Variants in ADGRD1 observed in about 807,000 individuals in gnomAD.
ADGRD1 encodes the protein G-protein coupled receptor 133.
A neutral mutation model predicts 113.4 loss-of-function variants in ADGRD1; 77 were observed. The observed-to-expected ratio is 0.68, with a 90% CI of 0.57 to 0.82. The LOEUF (loss-of-function observed/expected upper bound fraction) is 0.82, where lower values mean the gene tolerates loss of function less well. Among genes scored for constraint, ADGRD1 ranks in the 40% least tolerant of loss-of-function variants. ADGRD1 has a pLI of 0.00. For synonymous variants in ADGRD1, 474 were observed against 475.0 expected, an observed-to-expected ratio of 1.00 and a Z score of 0.03; for missense variants, 1,036 against 1,139.1, an observed-to-expected ratio of 0.91 and a Z score of 1.30.
intron 2 of ADGRD1, among the ~76,000 whole-genome samples, chr12:130,963,259 G>T (rs1244622528): frequency 7.3e-6 from 1 of 136,204 alleles, no homozygotes; most frequent in Non-Finnish European, 1.5e-5. Context: ...GGCGGAGCTT[G>T]CAGTGAGCCG....
intron 11 of ADGRD1, among the ~76,000 whole-genome samples, chr12:131,005,251 G>A (rs1013060432): frequency 2.6e-5 from 4 of 152,218 alleles, no homozygotes; most frequent in African/African-American, 7.2e-5. Context: ...CCAAGGGAAG[G>A]GCCCAGGGAC....
chr12:130,998,910 G>A (rs559266611), intron 8 of ADGRD1, among the ~76,000 whole-genome samples: 1 of 152,334 alleles, frequency 6.6e-6, no homozygotes, highest in Non-Finnish European at 1.5e-5. Flanking sequence ...TGTGCTGTGA[G>A]TGTAAGATGC....
rs1470953033 is a variant in ADGRD1 at position 131,096,663 on chromosome 12, C to G, written c.1672-8168C>G. ...CCGCCTCCATCTGTGAGGATGGGTT[C>G]CCGTGGGGCACTGCCGGTCCAGTTT... On this transcript the variant is annotated intron_variant, in intron 15 of 24. Transcript: ENST00000261654. This position sits in a 1 kb window ranked among gnomAD's most constrained non-coding sequence, Gnocchi z 5.2. Among the ~76,000 whole-genome samples the G allele has an allele frequency of 1.3e-5, 2 of 151,858 alleles. No individual in the cohort carries two copies. The highest frequency in any genetic ancestry group is 4.8e-5 in the African/African-American group (2 of 41,330).
At chr12:130,975,712 C>T (rs950340433) in intron 4 of ADGRD1, among the ~76,000 whole-genome samples, 15 of 152,218 alleles carry the variant, frequency 9.9e-5, no homozygotes, top group East Asian at 5.8e-4. Flanking sequence ...ATTGCTGTGT[C>T]GGTTAAGATG....
intron 4 of ADGRD1, chr12:130,973,078 T>G (rs1363500419): frequency 6.6e-6 from 1 of 152,144 alleles, no homozygotes; most frequent in African/African-American, 2.4e-5. Context: ...TTTCCACAGA[T>G]TTCCAGTTTT....
chr12:131,089,901 T>G (rs553957662), intron 15 of ADGRD1, among the ~76,000 whole-genome samples: 2 of 152,366 alleles, frequency 1.3e-5, no homozygotes, highest in East Asian at 1.9e-4. Context: ...GAGCAGAGCC[T>G]CCTCCTCTGG....
chr12:130,974,793 TCCCTGCTGTGG>T (rs6144932), intron 4 of ADGRD1, among the ~76,000 whole-genome samples: 129,206 of 151,684 alleles, frequency 0.85, 57,092 homozygotes, highest in Non-Finnish European at 0.96. Flanking sequence ...AAGGCAGAGG[TCCCTGCTGTGG>T]CCCTGCTCCG....
chr12:131,028,729 G>A (rs190512542), intron 13 of ADGRD1, among the ~76,000 whole-genome samples: 136 of 152,282 alleles, frequency 8.9e-4, no homozygotes, highest in African/African-American at 3.2e-3. Flanking sequence ...CGCCTTTGCC[G>A]TCAGTCACGG....
chr12:130,963,573 T>C (rs1280746331), intron 2 of ADGRD1, among the ~76,000 whole-genome samples: 1 of 152,142 alleles, frequency 6.6e-6, no homozygotes, highest in Non-Finnish European at 1.5e-5. Flanking sequence ...TTTTTAAAAA[T>C]TAGACAATAT....
In ADGRD1 at chr12:130,991,066, A is replaced by G. The variant is rs145801612; in HGVS notation, c.798A>G (p.Thr266=). 4.3e-6 allele frequency: 7 copies of G among 1,613,916 alleles called. No individual in the cohort carries two copies. Among genetic ancestry groups the G allele is most frequent in the Non-Finnish European group, 5.1e-6 (6 of 1,179,782 alleles). The change falls in exon 7 of 25, where the codon ACA becomes ACG. Residue 266 remains threonine, a synonymous_variant. Coordinates refer to ENST00000261654, the MANE Select transcript of ADGRD1 (RefSeq NM_198827.5). ...TGCCAAGCCTCTTCATGACATCCACAGCAAGCCCCGTGGTGAGCAGACACA... is the reference window on the plus strand; with the variant it reads ...TGCCAAGCCTCTTCATGACATCCACGGCAAGCCCCGTGGTGAGCAGACACA... ...STLPSLFMTS[T]ASPVMPTDAY...
chr12:131,003,062 G>A lies in ADGRD1; in HGVS notation c.1027-123G>A, dbSNP rs1876591351. 1 of 811,460 alleles carries A rather than the reference G, an allele frequency of 1.2e-6. No homozygotes were observed. The highest frequency in any genetic ancestry group is 2.1e-6 in the Non-Finnish European group (1 of 472,760). 50.3% of individuals were successfully genotyped at this position (811,460 alleles called of 1,614,324 possible). A position where few individuals can be genotyped will look rare whatever the true frequency, so the allele number is the denominator to read the frequency against. Reference sequence around the variant, plus strand: ...CTGATCCATGGGAAGGGGCAGTTGTGTGACTTCTTCCTCCCTCGTGGCCAA... The same window carrying A: ...CTGATCCATGGGAAGGGGCAGTTGTATGACTTCTTCCTCCCTCGTGGCCAA... On this transcript the variant is annotated intron_variant, in intron 9 of 24. Transcript: ENST00000261654. The surrounding 1 kb of genome is among the most constrained non-coding windows in gnomAD (Gnocchi z 4.8).
intron 9 of ADGRD1, chr12:131,002,594 A>G: frequency 9.5e-7 from 1 of 1,056,952 alleles, no homozygotes; most frequent in Non-Finnish European, 1.2e-6. Context: ...GTGTCTGAGG[A>G]TGAGGGCCCC....
intron 13 of ADGRD1, among the ~76,000 whole-genome samples, chr12:131,020,436 A>G (rs1879197452): frequency 6.6e-6 from 1 of 152,230 alleles, no homozygotes; most frequent in African/African-American, 2.4e-5. Flanking sequence ...TGCATGCCTA[A>G]TAGCACCCCA....
chr12:131,045,677 T>G (rs1882625183), intron 13 of ADGRD1, among the ~76,000 whole-genome samples: 1 of 152,164 alleles, frequency 6.6e-6, no homozygotes, highest in Non-Finnish European at 1.5e-5. Flanking sequence ...GAAGTCACCA[T>G]GCTGCCCAAA....
At chr12:131,031,594 T>C (rs576185632) in intron 13 of ADGRD1, among the ~76,000 whole-genome samples, 1 of 151,996 alleles carries the variant, frequency 6.6e-6, no homozygotes, top group South Asian at 2.1e-4. Context: ...TCAGGCCTGG[T>C]CTTAAACCAG....
intron 3 of ADGRD1, chr12:130,969,388 T>G (rs1309007176): frequency 6.9e-6 from 2 of 289,836 alleles, no homozygotes; most frequent in Non-Finnish European, 1.3e-5. Flanking sequence ...CACCTGTATT[T>G]ACAGCTGCTC....
At chr12:131,100,821 A>G (rs1396848980) in intron 15 of ADGRD1, among the ~76,000 whole-genome samples, 1 of 152,224 alleles carries the variant, frequency 6.6e-6, no homozygotes, top group African/African-American at 2.4e-5. Context: ...ATGTCAGCCC[A>G]CTGGAACCTC....
intron 2 of ADGRD1, among the ~76,000 whole-genome samples, chr12:130,959,789 T>C (rs1199901822): frequency 6.6e-6 from 1 of 152,226 alleles, no homozygotes; most frequent in East Asian, 1.9e-4. Flanking sequence ...ATTTTGTAAG[T>C]AATTGCCAAA....
At chr12:130,993,150 G>A (rs1030122151) in intron 8 of ADGRD1, among the ~76,000 whole-genome samples, 11 of 152,032 alleles carry the variant, frequency 7.2e-5, no homozygotes, top group Non-Finnish European at 1.2e-4. Flanking sequence ...TAATAACAGC[G>A]CCCACTTCAT....
Sources: allele counts gnomAD v4.1 joint callset (sites outside exome capture counted in the v4.1 genomes callset), GRCh38; gene constraint gnomAD v4.1.1; non-coding constraint Gnocchi (gnomAD v3.1); transcripts MANE v1.5; gene names NCBI Gene and HGNC (gene_info 2026-07-23, HGNC 2026-07-21).